Variants in FAT3 observed in about 807,000 individuals in gnomAD.
FAT3 encodes FAT atypical cadherin 3, also known as protocadherin Fat 3.
A neutral mutation model predicts 310.2 loss-of-function variants in FAT3; 95 were observed. The ratio of observed to expected loss-of-function variants is 0.31; its 90% CI spans 0.26 to 0.36. The LOEUF is 0.36. FAT3 is among the 10% of genes least tolerant of loss of function. FAT3 has a pLI of 1.00. For synonymous variants in FAT3, 2,314 were observed against 2,192.9 expected (o/e 1.06, Z -1.54); for missense variants, 5,408 against 5,715.6 (o/e 0.95, Z 1.74).
chr11:92,311,306 A>G (rs1037849190), intron 1 of FAT3, among the ~76,000 whole-genome samples: 1 of 152,164 alleles, frequency 6.6e-6, no homozygotes, highest in African/African-American at 2.4e-5. Context: ...AGTGATTTAC[A>G]AGGACCGTTT....
At chr11:92,594,837 A>C (rs1309778238) in intron 3 of FAT3, among the ~76,000 whole-genome samples, 1 of 152,156 alleles carries the variant, frequency 6.6e-6, no homozygotes, top group Non-Finnish European at 1.5e-5. Context: ...TATGTTTCAG[A>C]ATGCTTTCTA....
intron 2 of FAT3, among the ~76,000 whole-genome samples, chr11:92,391,113 G>T (rs12280619): frequency 0.077 from 11,743 of 152,236 alleles, 652 homozygotes; most frequent in African/African-American, 0.15. Flanking sequence ...GCCTAAGGCT[G>T]TGTAACTGAG....
chr11:92,413,965 C>G (rs980741258), intron 2 of FAT3, among the ~76,000 whole-genome samples: 5 of 152,086 alleles, frequency 3.3e-5, no homozygotes, highest in African/African-American at 1.2e-4. Flanking sequence ...GGTTATCCTT[C>G]CAGGAGTTGC....
intron 3 of FAT3, among the ~76,000 whole-genome samples, chr11:92,540,195 G>GC (rs568859289): frequency 5.7e-4 from 87 of 152,242 alleles, no homozygotes; most frequent in African/African-American, 2.0e-3. Context: ...CTAATTTGCT[G>GC]CTTCTCATCT....
chr11:92,732,866 T>A (rs925586681), intron 4 of FAT3, among the ~76,000 whole-genome samples: 2 of 152,152 alleles, frequency 1.3e-5, no homozygotes, highest in African/African-American at 4.8e-5. Flanking sequence ...GTTTGATAAG[T>A]GCTTTGGGAG....
chr11:92,402,345 G>A (rs746253294), intron 2 of FAT3, among the ~76,000 whole-genome samples: 10 of 152,132 alleles, frequency 6.6e-5, no homozygotes, highest in Non-Finnish European at 7.4e-5. Context: ...TTCAAGAGCT[G>A]TGGGAAAGCA....
chr11:92,753,607 C>T (rs1945884812), intron 4 of FAT3, among the ~76,000 whole-genome samples: 1 of 152,010 alleles, frequency 6.6e-6, no homozygotes, highest in South Asian at 2.1e-4. Flanking sequence ...CCCTTGTACA[C>T]TGTTTTCCCA....
chr11:92,323,397 G>A (rs566771879), intron 1 of FAT3, among the ~76,000 whole-genome samples: 1 of 152,074 alleles, frequency 6.6e-6, no homozygotes, highest in South Asian at 2.1e-4. Context: ...AGAAGTGCAT[G>A]TCACCATGCC....
intron 4 of FAT3, among the ~76,000 whole-genome samples, chr11:92,723,480 C>T (rs1385067793): frequency 1.3e-5 from 2 of 152,184 alleles, no homozygotes; most frequent in South Asian, 2.1e-4. Context: ...TCTTCTGAGA[C>T]CTCCAAATTG....
intron 19 of FAT3, among the ~76,000 whole-genome samples, chr11:92,847,569 C>T (rs892675707): frequency 2.2e-4 from 33 of 152,174 alleles, no homozygotes; most frequent in Admixed American, 2.2e-3. Context: ...TTCTCTCAGA[C>T]TCCTGTGTGC....
At chr11:92,783,916 A>G (rs1055098116) in intron 7 of FAT3, among the ~76,000 whole-genome samples, 3 of 152,246 alleles carry the variant, frequency 2.0e-5, no homozygotes, top group African/African-American at 4.8e-5. Flanking sequence ...TAACCTCATA[A>G]TGAATGTTCA....
chr11:92,396,237 C>T (rs1181216360), intron 2 of FAT3, among the ~76,000 whole-genome samples: 1 of 152,184 alleles, frequency 6.6e-6, no homozygotes, highest in African/African-American at 2.4e-5. Flanking sequence ...TGAATATGAT[C>T]ATGAATCTAC....
At chr11:92,242,281 C>T (rs1255469090) in intron 1 of FAT3, among the ~76,000 whole-genome samples, 1 of 152,054 alleles carries the variant, frequency 6.6e-6, no homozygotes, top group East Asian at 1.9e-4. Flanking sequence ...TACCTGTCTA[C>T]TGATGGTAAG....
intron 3 of FAT3, among the ~76,000 whole-genome samples, chr11:92,631,659 T>C (rs1941564542): frequency 2.0e-5 from 3 of 152,200 alleles, no homozygotes; most frequent in Admixed American, 2.0e-4. Context: ...AAACCCGTTT[T>C]CTTTATAAAT....
At chr11:92,450,370 A>G (rs1203484407) in intron 2 of FAT3, among the ~76,000 whole-genome samples, 1 of 152,140 alleles carries the variant, frequency 6.6e-6, no homozygotes, top group East Asian at 1.9e-4. Flanking sequence ...GTTCAAGGTC[A>G]GGTGTCTGCT....
chr11:92,256,715 C>G (rs1198047238), intron 1 of FAT3, among the ~76,000 whole-genome samples: 2 of 152,064 alleles, frequency 1.3e-5, no homozygotes, highest in Non-Finnish European at 2.9e-5. Context: ...TGAAAAGCAT[C>G]ATGCATATGT....
At chr11:92,839,904 TC>T (rs1948494424) in intron 17 of FAT3, among the ~76,000 whole-genome samples, 1 of 152,222 alleles carries the variant, frequency 6.6e-6, no homozygotes, top group Non-Finnish European at 1.5e-5. Flanking sequence ...TGTAATAGAA[TC>T]AGGACTTCCA....
intron 25 of FAT3, 46 bp downstream of exon 25, chr11:92,887,159 T>C: frequency 1.3e-6 from 2 of 1,513,952 alleles, no homozygotes; most frequent in Non-Finnish European, 1.8e-6. Context: ...TTCTGCTTCC[T>C]GTTCTGGAAG....
intron 2 of FAT3, among the ~76,000 whole-genome samples, chr11:92,419,310 G>T (rs1468987374): frequency 6.6e-6 from 1 of 152,090 alleles, no homozygotes; most frequent in Non-Finnish European, 1.5e-5. Flanking sequence ...TCATCTTTGT[G>T]TAGCATTCTT....
Sources: allele counts gnomAD v4.1 joint callset (sites outside exome capture counted in the v4.1 genomes callset), GRCh38; gene constraint gnomAD v4.1.1; transcripts MANE v1.5; gene names NCBI Gene and HGNC (gene_info 2026-07-23, HGNC 2026-07-21).